The following MEF2A variants were observed in gnomAD, a reference collection of about 807,000 sequenced individuals.
The protein encoded by MEF2A is myocyte enhancer factor 2A.
In MEF2A, 28 loss-of-function variants were observed where a neutral mutation model predicts 55.8. The ratio of observed to expected loss-of-function variants is 0.50; its 90% CI spans 0.37 to 0.69. The LOEUF (loss-of-function observed/expected upper bound fraction) is 0.69. MEF2A is among the 30% of genes least tolerant of loss of function. MEF2A has a pLI of 0.00. For missense variants in MEF2A, 528 were observed against 626.2 expected (o/e 0.84, Z 1.67); for synonymous variants, 239 against 227.1 (o/e 1.05, Z -0.47).
chr15:99,591,213 C>T (rs1010411329), intron 1 of MEF2A, among the ~76,000 whole-genome samples: 2 of 152,148 alleles, frequency 1.3e-5, no homozygotes, highest in Non-Finnish European at 2.9e-5. Flanking sequence ...GATTGCAGGC[C>T]TCCTGGTAAC....
chr15:99,659,490 T>A (rs1327786772), intron 4 of MEF2A, among the ~76,000 whole-genome samples: 1 of 152,082 alleles, frequency 6.6e-6, no homozygotes, highest in East Asian at 1.9e-4. Flanking sequence ...GTAAACATTC[T>A]CTCTTCTCAG....
intron 1 of MEF2A, among the ~76,000 whole-genome samples, chr15:99,578,926 G>C (rs1567151046): frequency 6.6e-6 from 1 of 152,194 alleles, no homozygotes; most frequent in Non-Finnish European, 1.5e-5. Context: ...CATGAAAAAG[G>C]CATGAAGTTT....
intron 3 of MEF2A, among the ~76,000 whole-genome samples, chr15:99,644,606 C>T (rs1464119925): frequency 6.6e-6 from 1 of 152,180 alleles, no homozygotes; most frequent in Non-Finnish European, 1.5e-5. Flanking sequence ...GATAGGTATC[C>T]ATGGGGAAAA....
chr15:99,652,408 C>G (rs1206592701), intron 4 of MEF2A, among the ~76,000 whole-genome samples: 1 of 152,208 alleles, frequency 6.6e-6, no homozygotes, highest in Non-Finnish European at 1.5e-5. Context: ...CCACCACTTA[C>G]TTCCTGCTGT....
chr15:99,642,977 A>G (rs2045299111), intron 3 of MEF2A, among the ~76,000 whole-genome samples: 1 of 152,220 alleles, frequency 6.6e-6, no homozygotes, highest in Non-Finnish European at 1.5e-5. Flanking sequence ...AGTAGAGAGG[A>G]GTAAACATGA....
At position 99,713,330 on chromosome 15, in the gene MEF2A, CAAACA is replaced by C. The variant is rs1212196771; in HGVS notation, c.*568_*572del. On this transcript the variant is annotated 3_prime_UTR_variant, in exon 12 of 12. Coordinates refer to ENST00000557942, the MANE Select transcript of MEF2A (RefSeq NM_001319206.4). ...GGGAAAGGGCTGTTGATATTAAAAACAAACAAAACAAAAAAGCCCCACACATAACT... is the reference window on the plus strand; with the variant it reads ...GGGAAAGGGCTGTTGATATTAAAAACAAACAAAAAAGCCCCACACATAACT... 3 of 267,104 alleles carry C rather than the reference CAAACA, an allele frequency of 1.1e-5. No individual in the cohort carries two copies. The highest frequency in any genetic ancestry group is 1.7e-4 in the South Asian group (1 of 5,832). 16.5% of individuals were successfully genotyped at this position (267,104 alleles called of 1,614,324 possible).
At chr15:99,648,827 CCTGTGTAGT>C (rs2046392508) in intron 4 of MEF2A, among the ~76,000 whole-genome samples, 1 of 152,090 alleles carries the variant, frequency 6.6e-6, no homozygotes, top group Non-Finnish European at 1.5e-5. Context: ...GTCAGCCTCA[CCTGTGTAGT>C]CTGTAGTACA....
At chr15:99,695,791 G>A (rs1008108408) in intron 8 of MEF2A, among the ~76,000 whole-genome samples, 4 of 151,850 alleles carry the variant, frequency 2.6e-5, no homozygotes, top group Non-Finnish European at 5.9e-5. Context: ...CCCGGGAGGC[G>A]GAGGTTGCAG....
At chr15:99,592,686 C>T (rs867589377) in intron 1 of MEF2A, among the ~76,000 whole-genome samples, 7 of 152,180 alleles carry the variant, frequency 4.6e-5, no homozygotes, top group Middle Eastern at 6.8e-3. Flanking sequence ...AGAGGAGAAG[C>T]AGGAGAGAGT....
At chr15:99,598,788 C>T (rs2164058) in intron 2 of MEF2A, among the ~76,000 whole-genome samples, 63,505 of 151,706 alleles carry the variant, frequency 0.42, 14,976 homozygotes, top group Middle Eastern at 0.6. Flanking sequence ...CAGTTAACCT[C>T]TATTTGAAGA....
At chr15:99,626,401 G>A (rs746409806) in intron 2 of MEF2A, among the ~76,000 whole-genome samples, 2 of 151,190 alleles carry the variant, frequency 1.3e-5, no homozygotes, top group African/African-American at 2.4e-5. Context: ...TTTGTTAATC[G>A]TTTTGAAGAA....
At chr15:99,643,952 G>A (rs2045495858) in intron 3 of MEF2A, among the ~76,000 whole-genome samples, 2 of 152,052 alleles carry the variant, frequency 1.3e-5, no homozygotes, top group East Asian at 1.9e-4. Context: ...AGGTGATTTG[G>A]GTATATGACA....
intron 2 of MEF2A, among the ~76,000 whole-genome samples, chr15:99,605,671 A>G (rs990171971): frequency 7.2e-6 from 1 of 139,696 alleles, no homozygotes; most frequent in African/African-American, 2.7e-5. Context: ...TTTTAGATTT[A>G]AAAAAAAAAA....
chr15:99,707,255 C>A (rs1419234565), intron 10 of MEF2A, among the ~76,000 whole-genome samples: 2 of 152,128 alleles, frequency 1.3e-5, no homozygotes, highest in Non-Finnish European at 2.9e-5. Context: ...GCTGTGTTAA[C>A]CTGCTTTGGG....
chr15:99,654,358 A>G (rs1000683503), intron 4 of MEF2A, among the ~76,000 whole-genome samples: 22 of 152,102 alleles, frequency 1.4e-4, no homozygotes, highest in Middle Eastern at 3.4e-3. Flanking sequence ...TCAATGTTTA[A>G]TAGGGCAGAG....
chr15:99,673,867 T>C (rs1468155634), intron 5 of MEF2A, among the ~76,000 whole-genome samples: 5 of 152,108 alleles, frequency 3.3e-5, no homozygotes, highest in Non-Finnish European at 7.4e-5. Flanking sequence ...ACTTTTTTTT[T>C]TTCTTAGTTT....
intron 11 of MEF2A, among the ~76,000 whole-genome samples, chr15:99,711,820 T>C (rs1408155915): frequency 6.6e-6 from 1 of 152,186 alleles, no homozygotes; most frequent in African/African-American, 2.4e-5. Context: ...GCATCCTAAA[T>C]GAATGCACTA....
rs2058970592 is a variant in MEF2A, at chr15:99,714,524, CCTTGGCATGACT to C, written c.*1758_*1769del. The C allele has an allele frequency of 6.6e-6, 1 of 152,066 alleles. No individual in the cohort carries two copies. The highest frequency in any genetic ancestry group is 2.1e-4 in the South Asian group (1 of 4,822). 9.4% of individuals were successfully genotyped at this position (152,066 alleles called of 1,614,324 possible). A position where few individuals can be genotyped will look rare whatever the true frequency, so the allele number is the denominator to read the frequency against. On this transcript the variant is annotated 3_prime_UTR_variant, in exon 12 of 12. Coordinates refer to ENST00000557942, the MANE Select transcript of MEF2A (RefSeq NM_001319206.4). Reference sequence around the variant, plus strand: ...GGAGAAACACTCTTAGGGTGCTGGTCCTTGGCATGACTCTTGCCATTCTAATTGGAATTAGTG... The same window carrying C: ...GGAGAAACACTCTTAGGGTGCTGGTCCTTGCCATTCTAATTGGAATTAGTG...
At chr15:99,635,434 A>G (rs576157054) in intron 3 of MEF2A, among the ~76,000 whole-genome samples, 24 of 152,314 alleles carry the variant, frequency 1.6e-4, no homozygotes, top group African/African-American at 5.1e-4. Context: ...GTTCTTCCTT[A>G]TCTAGAACAC....
Sources: gnomAD v4.1 joint callset for allele counts (sites outside exome capture counted in the v4.1 genomes callset) on GRCh38, gnomAD v4.1.1 for gene constraint, MANE v1.5 for transcripts, NCBI Gene and HGNC (gene_info 2026-07-23, HGNC 2026-07-21) for gene names.